Variants in ANO8 observed in about 807,000 individuals in gnomAD.
ANO8 encodes anoctamin 8.
Under a neutral mutation model 120.4 loss-of-function variants are expected in ANO8, and 67 were observed. The observed-to-expected ratio is 0.56, with a 90% CI of 0.46 to 0.68. ANO8 has a LOEUF of 0.68. Ranked by LOEUF, ANO8 falls within the 30% of genes least tolerant of loss-of-function variation. The pLI, the probability that ANO8 is intolerant of heterozygous loss-of-function variation, is 0.00. For synonymous variants in ANO8, 727 were observed against 759.2 expected (o/e 0.96, Z 0.70); for missense variants, 1,526 against 1,737.6 (o/e 0.88, Z 2.16).
rs1318929386 is a variant in ANO8, at chr19:17,323,269, A to C, written c.*248T>G. On this transcript the variant is annotated 3_prime_UTR_variant, in exon 18 of 18. Transcript: ENST00000159087. ...ATTGCATTTCTGCCGTTTTACAAAA[A>C]TATGACAAAATAAATTAAAAACAAA... The C allele has an allele frequency of 3.5e-6, 1 of 288,270 alleles. No homozygotes were observed. Among genetic ancestry groups the C allele is most frequent in the Non-Finnish European group, 6.4e-6 (1 of 155,662 alleles). The allele number at this position is 288,270 out of a possible 1,614,324, so 17.9% of individuals were successfully genotyped here.
rs1480445232 is a variant in ANO8, at chr19:17,328,621, C to A, written c.1767G>T (p.Glu589Asp). Reference protein sequence around the residue: ...GGKEEDEDDEEEEDEEEEEDE... With the variant: ...GGKEEDEDDEDEEDEEEEEDE... ...CCTCCTCTTCCTCCTCGTCCTCCTCCTCCTCGTCGTCCTCGTCCTCCTCCT... is the reference window on the plus strand; with the variant it reads ...CCTCCTCTTCCTCCTCGTCCTCCTCATCCTCGTCGTCCTCGTCCTCCTCCT... Residue 589 changes from glutamate to aspartate, a missense_variant, in exon 13 of 18, where the codon GAG (glutamate) becomes GAT (aspartate). Physicochemically the swap from Glu to Asp is conservative, Grantham distance 45. Coordinates refer to ENST00000159087, the MANE Select transcript of ANO8 (RefSeq NM_020959.3). The A allele has an allele frequency of 3.3e-6, 5 of 1,538,388 alleles. No homozygotes were observed. In the Admixed American group the frequency reaches 7.9e-5, roughly 24 times the overall value.
Position 17,330,809 on chromosome 19 carries a change from G to T in ANO8, c.993+19C>A. 2 of 1,609,512 alleles carry T rather than the reference G, an allele frequency of 1.2e-6. No individual in the cohort carries two copies. The highest frequency in any genetic ancestry group is 2.2e-5 in the South Asian group (2 of 90,628). ...CCTTTGTCCTGTCTCCATGACCCTG[G>T]ACTCAGCCCCCAACTGACCCTGAAC... On this transcript the variant is annotated intron_variant, in intron 8 of 17. Transcript: ENST00000159087.
Position 17,324,965 on chromosome 19 carries a change from T to C in ANO8, c.3083A>G (p.Lys1028Arg), listed in dbSNP as rs201022202. 4 of 1,613,324 alleles carry C rather than the reference T, an allele frequency of 2.5e-6. No individual in the cohort carries two copies. The highest frequency in any genetic ancestry group is 3.4e-6 in the Non-Finnish European group (4 of 1,179,928). Residue 1028 changes from lysine (K) to arginine (R), a missense_variant, in exon 17 of 18, where the codon AAG (lysine) becomes AGG (arginine). This residue lies in a region of ANO8 where 489 missense variants were observed against 548.6 expected (regional missense o/e 0.89). Transcript: ENST00000159087. ...DTRLPAFLSF[K>R]FLKSPETRRD... ...CCGGGTCTCGGGTGACTTGAGGAAC[T>C]TGAAGCTGAGGAAGGCAGGCAGGCG...
At position 17,328,346 on chromosome 19, in the gene ANO8, C is replaced by A. The variant is rs1202123086; in HGVS notation, c.2042G>T (p.Arg681Leu). 6.3e-7 allele frequency: 1 copy of A among 1,577,830 alleles called. No homozygotes were observed. Residue 681 changes from arginine to leucine, a missense_variant, in exon 13 of 18, where the codon CGG (arginine) becomes CTG (leucine). By Grantham distance (102) the Arg-to-Leu change is moderately radical. Around this residue, in one of 8 missense-constraint regions of ANO8, gnomAD observed 467 missense variants for 425.8 expected, o/e 1.10. Transcript: ENST00000159087. ...CTGGTCTCGGCCCTCGCCCCCGGCCCGGCGGAACAAGATGGCCGGGGGCTC... is the reference window on the plus strand; with the variant it reads ...CTGGTCTCGGCCCTCGCCCCCGGCCAGGCGGAACAAGATGGCCGGGGGCTC... ...EREPPAILFR[R>L]AGGEGRDQGP...
chr19:17,333,632 C>T lies in ANO8; in HGVS notation c.217+58G>A. The T allele has an allele frequency of 7.1e-7, 1 of 1,403,314 alleles. No individual in the cohort carries two copies. Among genetic ancestry groups the T allele is most frequent in the Non-Finnish European group, 9.5e-7 (1 of 1,053,092 alleles). The allele number at this position is 1,403,314 out of a possible 1,614,324, so 86.9% of individuals were successfully genotyped here. A position where few individuals can be genotyped will look rare whatever the true frequency, so the allele number is the denominator to read the frequency against. ...TCCTACGTATTCCCGTTCTGGGAAG[C>T]CGAGCTCAGGAGAGCCGCATCTGGG... is the stretch of plus-strand genomic sequence containing the variant. On this transcript the variant is annotated intron_variant, in intron 2 of 17. Coordinates refer to ENST00000159087, the MANE Select transcript of ANO8 (RefSeq NM_020959.3). The surrounding 1 kb of genome is among the most constrained non-coding windows in gnomAD (Gnocchi z 7.2).
intron 1 of ANO8, among the ~76,000 whole-genome samples, chr19:17,334,353 G>A (rs1225667165): frequency 6.6e-6 from 1 of 152,214 alleles, no homozygotes; most frequent in Non-Finnish European, 1.5e-5. Context: ...GGGGCTCTCG[G>A]AGGGGCGTGT....
chr19:17,330,393 C>A lies in ANO8; in HGVS notation c.1105G>T (p.Val369Phe). 6.3e-7 allele frequency: 1 copy of A among 1,585,438 alleles called. No homozygotes were observed. Among genetic ancestry groups the A allele is most frequent in the Non-Finnish European group, 8.6e-7 (1 of 1,165,902 alleles). Residue 369 changes from valine (V) to phenylalanine (F), a missense_variant, in exon 9 of 18, where the codon GTC becomes TTC. Around this residue, in one of 8 missense-constraint regions of ANO8, gnomAD observed 91 missense variants for 85.3 expected, o/e 1.07. Coordinates refer to ENST00000159087, the MANE Select transcript of ANO8 (RefSeq NM_020959.3). ...VSLPLCLACL[V>F]CVFLLMLGCF... ...CCAAGCATGAGCAAGAAGACACAGACGAGGCACGCCAGGCACAGGGGGAGG... is the reference window on the plus strand; with the variant it reads ...CCAAGCATGAGCAAGAAGACACAGAAGAGGCACGCCAGGCACAGGGGGAGG...
At position 17,328,211 on chromosome 19, in the gene ANO8, G is replaced by T; in HGVS notation, c.2177C>A (p.Ser726Ter). 1 of 1,601,688 alleles carries T rather than the reference G, an allele frequency of 6.2e-7. No individual in the cohort carries two copies. The highest frequency in any genetic ancestry group is 8.5e-7 in the Non-Finnish European group (1 of 1,171,030). ...CAGCTCTGCCTGGGTGAGCTGGGGC[G>T]AGTGTTCCTCCTCCGGCGGGTCAAT... is the stretch of plus-strand genomic sequence containing the variant. ...SWIDPPEEEH[S>*]PQLTQAELES... The change falls in exon 13 of 18, where the codon TCG becomes TAG. Residue 726 changes from serine (S) to a stop codon, truncating the protein, a stop_gained. Coordinates refer to ENST00000159087, the MANE Select transcript of ANO8 (RefSeq NM_020959.3). LOFTEE classifies it high-confidence loss of function.
chr19:17,324,936 C>G lies in ANO8; in HGVS notation c.3112G>C (p.Asp1038His). 6.2e-7 allele frequency: 1 copy of G among 1,613,322 alleles called. No homozygotes were observed. Among genetic ancestry groups the G allele is most frequent in the Non-Finnish European group, 8.5e-7 (1 of 1,179,914 alleles). The change falls in exon 17 of 18, where the codon GAC (aspartate) becomes CAC (histidine). Residue 1038 changes from aspartate to histidine, a missense_variant. Around this residue, in one of 8 missense-constraint regions of ANO8, gnomAD observed 489 missense variants for 548.6 expected, o/e 0.89. Coordinates refer to ENST00000159087, the MANE Select transcript of ANO8 (RefSeq NM_020959.3). ...GGCGGTGAGTGGCTGCGCTCAGAGTCCCGCCGGGTCTCGGGTGACTTGAGG... is the reference window on the plus strand; with the variant it reads ...GGCGGTGAGTGGCTGCGCTCAGAGTGCCGCCGGGTCTCGGGTGACTTGAGG... The part of the protein sequence containing the change: ...KFLKSPETRR[D>H]SERSHSPPKA...
chr19:17,325,334 C>T lies in ANO8; in HGVS notation c.2714G>A (p.Arg905Gln), dbSNP rs145526921. The T allele has an allele frequency of 2.6e-5, 41 of 1,601,922 alleles. No individual in the cohort carries two copies. Among genetic ancestry groups the T allele is most frequent in the South Asian group, 3.3e-5 (3 of 90,884 alleles). ...HRYQQQQRRR[R>Q]EEEERQRHAE... Reference sequence around the variant, plus strand: ...ATGGCGCTGTCGCTCCTCCTCCTCCCGCCGCCTGCGCTGCTGCTGCTGGTA... The same window carrying T: ...ATGGCGCTGTCGCTCCTCCTCCTCCTGCCGCCTGCGCTGCTGCTGCTGGTA... The change falls in exon 17 of 18, where the codon CGG becomes CAG. Residue 905 changes from arginine to glutamine, a missense_variant. Transcript: ENST00000159087.
rs766596986 is a variant in ANO8 at position 17,333,550 on chromosome 19, C to T, written c.222G>A (p.Thr74=). 20 of 1,612,468 alleles carry T rather than the reference C, an allele frequency of 1.2e-5. No homozygotes were observed. The African/African-American group carries it at 1.7e-4, about 14-fold the overall frequency. The change falls in exon 3 of 18, where the codon ACG becomes ACA. Residue 74 remains threonine (T), a synonymous_variant. Transcript: ENST00000159087. The surrounding 1 kb of genome is among the most constrained non-coding windows in gnomAD (Gnocchi z 7.2). The part of the protein sequence containing the change: ...NCDVLMTFPD[T]TDDHTLLWLL... ...GCCATAGCAGCGTGTGGTCATCGGT[C>T]GTGTCTGCCAAGGGGCACAGGGACC...
At chr19:17,325,407 T>C in intron 16 of ANO8, 21 bp from the exon 17 acceptor site, 1 of 1,560,294 alleles carries the variant, frequency 6.4e-7, no homozygotes, top group Non-Finnish European at 8.6e-7. Context: ...AGCCAAGCCG[T>C]TACAGGACTA....
In ANO8 at chr19:17,334,566, C is replaced by A. The variant is rs1381505398; in HGVS notation, c.105G>T (p.Leu35=). 1 of 1,552,574 alleles carries A rather than the reference C, an allele frequency of 6.4e-7. No homozygotes were observed. The highest frequency in any genetic ancestry group is 1.8e-5 in the Admixed American group (1 of 55,690). ...GEPAAPASGV[L]DKLFGKRLLQ... ...CTGGTCCAGCCGCCGCACACATACC[C>A]AGAACTCCGGACGCCGGGGCTGCAG... The change falls in exon 1 of 18, where the codon CTG becomes CTT. Residue 35 remains leucine (L), a splice_region_variant and synonymous_variant. Coordinates refer to ENST00000159087, the MANE Select transcript of ANO8 (RefSeq NM_020959.3).
In ANO8 at chr19:17,334,778, C is replaced by T. The variant is rs1303671574; in HGVS notation, c.-108G>A. 2 of 1,156,652 alleles carry T rather than the reference C, an allele frequency of 1.7e-6. No individual in the cohort carries two copies. The highest frequency in any genetic ancestry group is 2.3e-6 in the Non-Finnish European group (2 of 871,966). The allele number at this position is 1,156,652 out of a possible 1,614,324, so 71.6% of individuals were successfully genotyped here. On this transcript the variant is annotated 5_prime_UTR_variant, in exon 1 of 18. Coordinates refer to ENST00000159087, the MANE Select transcript of ANO8 (RefSeq NM_020959.3). Reference sequence around the variant, plus strand: ...GCGCGCGGGAGGAGGAGACAAAGGCCGCGCCCGCCCGCGCCGGCCTCGGTC... The same window carrying T: ...GCGCGCGGGAGGAGGAGACAAAGGCTGCGCCCGCCCGCGCCGGCCTCGGTC...
Position 17,333,741 on chromosome 19 carries a change from A to G in ANO8, c.166T>C (p.Trp56Arg). ...AGRYLVSHKA[W>R]MKTVPTENCD... ...TTCTCTGTAGGCACCGTCTTCATCC[A>G]CGCCTTGTGGGACACCAGGTAGCGA... Residue 56 changes from tryptophan to arginine, a missense_variant, in exon 2 of 18, where the codon TGG becomes CGG. This residue lies in a region of ANO8 where 322 missense variants were observed against 431.8 expected (regional missense o/e 0.75). Transcript: ENST00000159087. The surrounding 1 kb of genome is among the most constrained non-coding windows in gnomAD (Gnocchi z 7.2). The G allele has an allele frequency of 2.5e-6, 4 of 1,609,630 alleles. No individual in the cohort carries two copies. The highest frequency in any genetic ancestry group is 3.4e-6 in the Non-Finnish European group (4 of 1,178,990).
chr19:17,329,611 CG>C (rs1181889841), intron 12 of ANO8, 145 bp downstream of exon 12: 1 of 650,710 alleles, frequency 1.5e-6, no homozygotes, highest in Non-Finnish European at 2.7e-6. Flanking sequence ...GACGCACAGA[CG>C]ACGGACAACG....
chr19:17,325,505 G>T, intron 16 of ANO8, 119 bp from the exon 17 acceptor site: 3 of 1,365,968 alleles, frequency 2.2e-6, no homozygotes, highest in Non-Finnish European at 2.9e-6. Flanking sequence ...TGCTTATTAG[G>T]CTCCAACTGT....
At chr19:17,331,931 C>CTT (rs71180396) in intron 5 of ANO8, among the ~76,000 whole-genome samples, 12,903 of 78,478 alleles carry the variant, frequency 0.16, 1,669 homozygotes, top group Non-Finnish European at 0.22. Flanking sequence ...CCGCGCCCGG[C>CTT]TTTTTTTTTT....
At position 17,323,785 on chromosome 19, in the gene ANO8, G is replaced by A. The variant is rs1395837828; in HGVS notation, c.3431C>T (p.Pro1144Leu). The A allele has an allele frequency of 8.6e-7, 1 of 1,164,046 alleles. No homozygotes were observed. The highest frequency in any genetic ancestry group is 1.1e-6 in the Non-Finnish European group (1 of 943,760). 72.1% of individuals were successfully genotyped at this position (1,164,046 alleles called of 1,614,324 possible). The part of the protein sequence containing the change: ...PPMPLPRPPT[P>L]PAGCWQWDGP... ...GTCCCACTGCCAGCAGCCTGCGGGCGGTGTCGGGGGCCGGGGCAGCGGCAT... is the reference window on the plus strand; with the variant it reads ...GTCCCACTGCCAGCAGCCTGCGGGCAGTGTCGGGGGCCGGGGCAGCGGCAT... Residue 1144 changes from proline to leucine, a missense_variant, in exon 18 of 18, where the codon CCG (proline) becomes CTG (leucine). Coordinates refer to ENST00000159087, the MANE Select transcript of ANO8 (RefSeq NM_020959.3).
Sources: allele counts gnomAD v4.1 joint callset (sites outside exome capture counted in the v4.1 genomes callset), GRCh38; gene constraint gnomAD v4.1.1; regional missense constraint gnomAD v4.1.1; non-coding constraint Gnocchi (gnomAD v3.1); transcripts MANE v1.5; gene names NCBI Gene and HGNC (gene_info 2026-07-23, HGNC 2026-07-21).